Variants in VPS53 observed in about 807,000 individuals in gnomAD.
VPS53 encodes vacuolar protein sorting-associated protein 53 homolog.
Under a neutral mutation model 107.0 loss-of-function variants are expected in VPS53, and 70 were observed. The ratio of observed to expected loss-of-function variants is 0.65; its 90% CI spans 0.54 to 0.80. The LOEUF (loss-of-function observed/expected upper bound fraction) is 0.80, where lower values mean the gene tolerates loss of function less well. Among genes scored for constraint, VPS53 ranks in the 30% least tolerant of loss-of-function variants. VPS53 has a pLI of 0.00. For synonymous variants in VPS53, 409 were observed against 393.3 expected, an observed-to-expected ratio of 1.04 and a Z score of -0.47; for missense variants, 917 against 1,049.4, an observed-to-expected ratio of 0.87 and a Z score of 1.74.
At chr17:593,140 C>T (rs1262382679) in intron 12 of VPS53, among the ~76,000 whole-genome samples, 1 of 152,168 alleles carries the variant, frequency 6.6e-6, no homozygotes, top group Non-Finnish European at 1.5e-5. Context: ...CTTCCTTACA[C>T]TTTATACAAA....
chr17:693,762 A>C (rs1972853696), intron 4 of VPS53, among the ~76,000 whole-genome samples: 1 of 152,136 alleles, frequency 6.6e-6, no homozygotes. Context: ...TAAAAGCGGC[A>C]CATCGGTTCT....
intron 12 of VPS53, among the ~76,000 whole-genome samples, chr17:598,417 C>T (rs1416177582): frequency 4.6e-5 from 7 of 151,606 alleles, no homozygotes; most frequent in African/African-American, 1.2e-4. Flanking sequence ...TCTGCCTGGC[C>T]GCCCATCATC....
At chr17:573,981 G>A (rs1331195317) in intron 13 of VPS53, among the ~76,000 whole-genome samples, 2 of 152,196 alleles carry the variant, frequency 1.3e-5, no homozygotes, top group Non-Finnish European at 2.9e-5. Flanking sequence ...AAAATAGTGT[G>A]TGCATGATAT....
chr17:605,503 A>ACGCAGCCT (rs1968525080), intron 11 of VPS53, among the ~76,000 whole-genome samples: 3 of 145,976 alleles, frequency 2.1e-5, no homozygotes, highest in Middle Eastern at 3.6e-3. Context: ...GAGTCCCATC[A>ACGCAGCCT]TATTGGTGAA....
At chr17:687,037 C>G (rs1972610487) in intron 4 of VPS53, among the ~76,000 whole-genome samples, 1 of 152,158 alleles carries the variant, frequency 6.6e-6, no homozygotes, top group Non-Finnish European at 1.5e-5. Context: ...GTAATCCCAG[C>G]ACTTTGAGAG....
intron 1 of VPS53, among the ~76,000 whole-genome samples, chr17:711,048 CA>C (rs202167313): frequency 6.6e-6 from 1 of 151,258 alleles, no homozygotes; most frequent in Non-Finnish European, 1.5e-5. Flanking sequence ...CACATCTCTA[CA>C]AAAAAAAATT....
At chr17:713,476 A>C (rs1193032092) in intron 1 of VPS53, among the ~76,000 whole-genome samples, 2 of 151,220 alleles carry the variant, frequency 1.3e-5, no homozygotes, top group Non-Finnish European at 2.9e-5. Context: ...AACATGGTGA[A>C]ACCCGGTCTC....
chr17:562,692 G>A lies in VPS53; in HGVS notation c.1367C>T (p.Pro456Leu), dbSNP rs1597304881. ...CCCTTCATCAGTGTTGGGCTTAGGT[G>A]GCCCCTGGGCTTTGAAATCAGCCAC... is the stretch of plus-strand genomic sequence containing the variant. ...RFVADFKAQG[P>L]PKPNTDEGGA... Residue 456 changes from proline (P) to leucine (L), a missense_variant, in exon 14 of 22, where the codon CCA becomes CTA. Transcript: ENST00000437048. The A allele has an allele frequency of 3.7e-6, 6 of 1,613,656 alleles. No homozygotes were observed. The Admixed American group carries it at 1.0e-4, about 27-fold the overall frequency.
intron 12 of VPS53, among the ~76,000 whole-genome samples, chr17:588,122 CATGGCCAAT>C (rs1390284919): frequency 6.6e-6 from 1 of 152,168 alleles, no homozygotes; most frequent in Non-Finnish European, 1.5e-5. Flanking sequence ...TCAAGACCAG[CATGGCCAAT>C]ATGGTGAAAC....
chr17:674,478 G>A (rs994784893), intron 4 of VPS53: 5 of 152,202 alleles, frequency 3.3e-5, no homozygotes, highest in African/African-American at 9.7e-5. Context: ...TTCAGGCTGC[G>A]AGGATTCATC....
chr17:662,444 C>G (rs1188088043), intron 4 of VPS53, among the ~76,000 whole-genome samples: 1 of 152,156 alleles, frequency 6.6e-6, no homozygotes, highest in African/African-American at 2.4e-5. Context: ...AATCCCAGCA[C>G]TTTGGGAGGC....
At chr17:556,917 G>C (rs976795560) in intron 15 of VPS53, among the ~76,000 whole-genome samples, 5 of 147,964 alleles carry the variant, frequency 3.4e-5, no homozygotes, top group African/African-American at 7.3e-5. Flanking sequence ...TCTGCTGAAG[G>C]GGGGTGGCCA....
At chr17:690,672 T>C (rs1972746816) in intron 4 of VPS53, among the ~76,000 whole-genome samples, 1 of 152,188 alleles carries the variant, frequency 6.6e-6, no homozygotes, top group Non-Finnish European at 1.5e-5. Context: ...GCCAACCATG[T>C]AATACGGCTG....
In VPS53 at chr17:531,746, C is replaced by G. The variant is rs558348696; in HGVS notation, c.2085+1096G>C. Among the ~76,000 whole-genome samples, 7 of 148,142 alleles carry G rather than the reference C, an allele frequency of 4.7e-5. No homozygotes were observed. In the East Asian group the frequency reaches 1.2e-3, roughly 25 times the overall value. ...TCCTGGCCTCTAGTGATCCTCCCAT[C>G]TCAGCCTCCCATCACTGGGATTTAT... is the stretch of plus-strand genomic sequence containing the variant. On this transcript the variant is annotated intron_variant, in intron 19 of 21. Transcript: ENST00000437048.
intron 7 of VPS53, among the ~76,000 whole-genome samples, chr17:634,420 A>G (rs191402318): frequency 2.6e-5 from 4 of 151,802 alleles, no homozygotes; most frequent in Non-Finnish European, 4.4e-5. Flanking sequence ...TTATACTTTC[A>G]GTTTTAGGGT....
At chr17:549,034 G>A (rs751673189) in intron 17 of VPS53, among the ~76,000 whole-genome samples, 15 of 152,086 alleles carry the variant, frequency 9.9e-5, no homozygotes, top group Non-Finnish European at 4.4e-5. Flanking sequence ...ACTGGGTATT[G>A]CTGTCATCTT....
Position 537,095 on chromosome 17 carries a change from G to A in VPS53, c.1948C>T (p.Pro650Ser). Reference sequence around the variant, plus strand: ...GAAGCCAGGTTGTCACGGATGATGGGGACGTTCTGCTTGATGTGCAGAATG... The same window carrying A: ...GAAGCCAGGTTGTCACGGATGATGGAGACGTTCTGCTTGATGTGCAGAATG... ...SVILHIKQNVPIIRDNLASTR... is the reference protein window; with the variant it reads ...SVILHIKQNVSIIRDNLASTR... Residue 650 changes from proline to serine, a missense_variant, in exon 18 of 22, where the codon CCC becomes TCC. Physicochemically the swap from Pro to Ser is moderately conservative, Grantham distance 74 (BLOSUM62 -1). Transcript: ENST00000437048. 1 of 1,614,174 alleles carries A rather than the reference G, an allele frequency of 6.2e-7. No individual in the cohort carries two copies. Among genetic ancestry groups the A allele is most frequent in the Non-Finnish European group, 8.5e-7 (1 of 1,180,048 alleles).
At chr17:638,700 T>C (rs888692640) in intron 7 of VPS53, among the ~76,000 whole-genome samples, 3 of 152,192 alleles carry the variant, frequency 2.0e-5, no homozygotes, top group Non-Finnish European at 4.4e-5. Flanking sequence ...GATATGAAAT[T>C]CTGGGTTGAA....
At chr17:621,759 C>T (rs1053768877) in intron 11 of VPS53, among the ~76,000 whole-genome samples, 7 of 152,090 alleles carry the variant, frequency 4.6e-5, no homozygotes, top group Non-Finnish European at 8.8e-5. Flanking sequence ...AGATATTAAT[C>T]GTTTGTGTCA....
Sources: allele counts gnomAD v4.1 joint callset (sites outside exome capture counted in the v4.1 genomes callset), GRCh38; gene constraint gnomAD v4.1.1; transcripts MANE v1.5; gene names NCBI Gene and HGNC (gene_info 2026-07-23, HGNC 2026-07-21).